The following RPS6KA2 variants were observed in gnomAD, a reference collection of about 807,000 sequenced individuals.
The protein encoded by RPS6KA2 is ribosomal protein S6 kinase alpha-2.
RPS6KA2 carries 42 observed loss-of-function variants against 91.8 expected under a neutral mutation model. The ratio of observed to expected loss-of-function variants is 0.46; its 90% CI spans 0.36 to 0.59. RPS6KA2 has a LOEUF of 0.59. RPS6KA2 is among the 20% of genes least tolerant of loss of function. RPS6KA2 has a pLI of 0.00. For missense variants in RPS6KA2, 798 were observed against 978.5 expected (o/e 0.82, Z 2.46); for synonymous variants, 414 against 393.6 (o/e 1.05, Z -0.61).
At position 166,418,081 on chromosome 6, in the gene RPS6KA2, C is replaced by T. The variant is rs1264921301; in HGVS notation, c.1938+144G>A. On this transcript the variant is annotated intron_variant, in intron 19 of 20. Transcript: ENST00000265678. This position sits in a 1 kb window ranked among gnomAD's most constrained non-coding sequence, Gnocchi z 4.9. ...CCAGCCTGGGTGAGACAGAGCGAGA[C>T]TCCATTTCAAGAAAAAAAAAAAAAT... The T allele has an allele frequency of 4.7e-6, 3 of 638,486 alleles. No individual in the cohort carries two copies. The African/African-American group carries it at 5.5e-5, about 12-fold the overall frequency. 39.6% of individuals were successfully genotyped at this position (638,486 alleles called of 1,614,324 possible). A position where few individuals can be genotyped will look rare whatever the true frequency, so the allele number is the denominator to read the frequency against.
intron 10 of RPS6KA2, among the ~76,000 whole-genome samples, chr6:166,476,478 C>T (rs1028826833): frequency 2.6e-5 from 4 of 152,166 alleles, no homozygotes; most frequent in African/African-American, 7.2e-5. Flanking sequence ...CTACACTGTG[C>T]GCACACAGAG....
chr6:166,826,698 C>T (rs749428297), intron 2 of RPS6KA2, among the ~76,000 whole-genome samples: 1 of 152,070 alleles, frequency 6.6e-6, no homozygotes, highest in African/African-American at 2.4e-5. Flanking sequence ...TCATTGACCT[C>T]GATTTTGCCA....
chr6:166,419,829 T>C lies in RPS6KA2; in HGVS notation c.1820+53A>G. On this transcript the variant is annotated intron_variant, in intron 18 of 20. Coordinates refer to ENST00000265678, the MANE Select transcript of RPS6KA2 (RefSeq NM_021135.6). This position sits in a 1 kb window ranked among gnomAD's most constrained non-coding sequence, Gnocchi z 5.6. The stretch of plus-strand genomic sequence containing the variant: ...CCTGGTCCCCTGACAGATCAGCCAC[T>C]GAGGCTGCTGCCCTGTGTCTCCTCC... The C allele has an allele frequency of 2.0e-6, 3 of 1,527,568 alleles. No individual in the cohort carries two copies. The highest frequency in any genetic ancestry group is 2.7e-6 in the Non-Finnish European group (3 of 1,102,306). 94.6% of individuals were successfully genotyped at this position (1,527,568 alleles called of 1,614,324 possible). A position where few individuals can be genotyped will look rare whatever the true frequency, so the allele number is the denominator to read the frequency against.
intron 2 of RPS6KA2, among the ~76,000 whole-genome samples, chr6:166,691,918 C>T (rs1335772568): frequency 1.3e-5 from 2 of 152,196 alleles, no homozygotes; most frequent in Admixed American, 6.5e-5. Flanking sequence ...TCAAGAAGCA[C>T]GTGAGGCCGG....
chr6:166,483,383 T>A (rs1781300446), intron 10 of RPS6KA2, among the ~76,000 whole-genome samples: 1 of 152,164 alleles, frequency 6.6e-6, no homozygotes. Context: ...GGCCGTGGCC[T>A]CCTGGATCCT....
Position 166,437,251 on chromosome 6 carries a change from G to A in RPS6KA2, c.1333-4761C>T, listed in dbSNP as rs1215372583. 6.6e-6 allele frequency among the ~76,000 whole-genome samples: 1 copy of A among 152,134 alleles called. No homozygotes were observed. The highest frequency in any genetic ancestry group is 2.4e-5 in the African/African-American group (1 of 41,424). On this transcript the variant is annotated intron_variant, in intron 14 of 20. Coordinates refer to ENST00000265678, the MANE Select transcript of RPS6KA2 (RefSeq NM_021135.6). The surrounding 1 kb of genome is among the most constrained non-coding windows in gnomAD (Gnocchi z 4.3). ...TGCCAGCGCACTTCTTCTCTATGGG[G>A]TCGGTTTCTTGGGGTTGACCGTGTT...
rs180968234 is a variant in RPS6KA2, at chr6:166,421,925, A to C, written c.1743+1331T>G. Among the ~76,000 whole-genome samples, 193 of 152,220 alleles carry C rather than the reference A, an allele frequency of 1.3e-3. 2 individuals are homozygous for C. Among genetic ancestry groups the C allele is most frequent in the Non-Finnish European group, 2.1e-3 (140 of 68,006 alleles). On this transcript the variant is annotated intron_variant, in intron 17 of 20. Transcript: ENST00000265678. Reference sequence around the variant, plus strand: ...TTTTAGTTTTTATTTTTTGAGACGGAGTCCTGCTCTTTCAACCAGGCTGGA... The same window carrying C: ...TTTTAGTTTTTATTTTTTGAGACGGCGTCCTGCTCTTTCAACCAGGCTGGA...
intron 3 of RPS6KA2, among the ~76,000 whole-genome samples, chr6:166,526,341 CTTTTTTTTTT>C (rs10616497): frequency 9.8e-5 from 10 of 101,870 alleles, no homozygotes; most frequent in African/African-American, 2.7e-4. Flanking sequence ...GTTTATATGG[CTTTTTTTTTT>C]TTTTTTTTTT....
At chr6:166,772,241 A>G (rs973056578) in intron 2 of RPS6KA2, among the ~76,000 whole-genome samples, 4 of 150,908 alleles carry the variant, frequency 2.7e-5, no homozygotes, top group African/African-American at 4.9e-5. Flanking sequence ...GGTGGGAATG[A>G]CCCCACCCCC....
At chr6:166,471,616 C>G (rs538164448) in intron 10 of RPS6KA2, among the ~76,000 whole-genome samples, 1 of 152,386 alleles carries the variant, frequency 6.6e-6, no homozygotes, top group South Asian at 2.1e-4. Context: ...GACGCAGAAT[C>G]ATAGGACAGA....
intron 2 of RPS6KA2, among the ~76,000 whole-genome samples, chr6:166,714,783 A>C (rs1484562816): frequency 6.6e-6 from 1 of 152,244 alleles, no homozygotes; most frequent in Non-Finnish European, 1.5e-5. Context: ...GGGAGAGAAC[A>C]GAGTCCCTTG....
rs181193503 is a variant in RPS6KA2 at position 166,736,509 on chromosome 6, C to T, written c.123+121691G>A. Among the ~76,000 whole-genome samples, 135 of 152,284 alleles carry T rather than the reference C, an allele frequency of 8.9e-4. 3 individuals are homozygous for T. The highest frequency in any genetic ancestry group is 8.8e-3 in the Admixed American group (134 of 15,290). On this transcript the variant is annotated intron_variant, in intron 2 of 21. Coordinates refer to the RPS6KA2 transcript ENST00000503859. The stretch of plus-strand genomic sequence containing the variant: ...CTTTTCTTCCTATTCCTTTTGATTT[C>T]TCCAGTAAAATATATCCAAACTCAA...
At chr6:166,432,740 C>T (rs187227241) in intron 14 of RPS6KA2, among the ~76,000 whole-genome samples, 2 of 152,170 alleles carry the variant, frequency 1.3e-5, no homozygotes, top group Admixed American at 1.3e-4. Flanking sequence ...CCTGTAATCC[C>T]AGCACTTTGG....
chr6:166,451,514 A>G (rs1319563514), intron 12 of RPS6KA2, among the ~76,000 whole-genome samples: 1 of 152,182 alleles, frequency 6.6e-6, no homozygotes, highest in Non-Finnish European at 1.5e-5. Flanking sequence ...CATTGATGGC[A>G]TCTGTTAGTT....
At chr6:166,482,025 T>G (rs1156410430) in intron 10 of RPS6KA2, among the ~76,000 whole-genome samples, 75 of 117,294 alleles carry the variant, frequency 6.4e-4, no homozygotes, top group Middle Eastern at 5.5e-3. Context: ...GTGCTGCAGC[T>G]TGGAGAGCTC....
intron 17 of RPS6KA2, among the ~76,000 whole-genome samples, chr6:166,422,943 A>T (rs934165461): frequency 6.6e-6 from 1 of 152,250 alleles, no homozygotes. Flanking sequence ...AGACTACTGC[A>T]TCATCTCTCT....
chr6:166,450,433 G>GA (rs1779860182), intron 13 of RPS6KA2, among the ~76,000 whole-genome samples: 2 of 149,710 alleles, frequency 1.3e-5, no homozygotes, highest in African/African-American at 4.9e-5. Context: ...ACCACCATGG[G>GA]GACCACCACA....
chr6:166,439,394 C>T (rs1779447630), intron 14 of RPS6KA2, among the ~76,000 whole-genome samples: 1 of 152,230 alleles, frequency 6.6e-6, no homozygotes, highest in Admixed American at 6.5e-5. Flanking sequence ...AGGCATGAGC[C>T]ACCGTGCCCG....
At chr6:166,862,073 G>C (rs545115883) in intron 1 of RPS6KA2, 1 of 1,613,912 alleles carries the variant, frequency 6.2e-7, no homozygotes, top group South Asian at 1.1e-5. Flanking sequence ...GATTCTTGAG[G>C]ATGCTGTGAA....
Sources: gnomAD v4.1 joint callset for allele counts (sites outside exome capture counted in the v4.1 genomes callset) on GRCh38, gnomAD v4.1.1 for gene constraint, Gnocchi (gnomAD v3.1) non-coding constraint, MANE v1.5 for transcripts, NCBI Gene and HGNC (gene_info 2026-07-23, HGNC 2026-07-21) for gene names.